Variants in CACNA1G observed in about 807,000 individuals in gnomAD.
The protein encoded by CACNA1G is voltage-dependent T-type calcium channel subunit alpha-1G.
A neutral mutation model predicts 219.4 loss-of-function variants in CACNA1G; 67 were observed. The observed-to-expected ratio is 0.31, with a 90% CI of 0.25 to 0.37. The LOEUF (loss-of-function observed/expected upper bound fraction) is 0.37. Ranked by LOEUF, CACNA1G falls within the 10% of genes least tolerant of loss-of-function variation. The pLI, the probability that CACNA1G is intolerant of heterozygous loss-of-function variation, is 1.00. For synonymous variants in CACNA1G, 1,296 were observed against 1,345.3 expected, an observed-to-expected ratio of 0.96 and a Z score of 0.80; for missense variants, 2,380 against 3,231.4, an observed-to-expected ratio of 0.74 and a Z score of 6.39.
intron 16 of CACNA1G, among the ~76,000 whole-genome samples, chr17:50,598,989 A>T (rs1326491925): frequency 2.0e-5 from 3 of 152,116 alleles, no homozygotes; most frequent in South Asian, 2.1e-4. Context: ...CGGCCTCCCA[A>T]TGTGCTGGGA....
At chr17:50,589,908 C>CTT (rs2043876777) in intron 9 of CACNA1G, among the ~76,000 whole-genome samples, 1 of 148,100 alleles carries the variant, frequency 6.8e-6, no homozygotes, top group African/African-American at 2.6e-5. Context: ...CTCTCTCTCT[C>CTT]TCTCTGTGTG....
chr17:50,562,681 C>T (rs2036210122), intron 1 of CACNA1G, among the ~76,000 whole-genome samples: 2 of 152,114 alleles, frequency 1.3e-5, no homozygotes, highest in African/African-American at 4.8e-5. Context: ...ACTGCAGGCC[C>T]GCGAAAGTCT....
chr17:50,624,486 C>G lies in CACNA1G; in HGVS notation c.6356C>G (p.Pro2119Arg). 6.2e-7 allele frequency: 1 copy of G among 1,600,298 alleles called. No individual in the cohort carries two copies. Among genetic ancestry groups the G allele is most frequent in the Non-Finnish European group, 8.5e-7 (1 of 1,173,916 alleles). Residue 2119 changes from proline (P) to arginine (R), a missense_variant, in exon 37 of 38, where the codon CCA (proline) becomes CGA (arginine). Physicochemically the swap from Pro to Arg is moderately radical, Grantham distance 103. Around this residue, in one of 17 missense-constraint regions of CACNA1G, gnomAD observed 672 missense variants for 670.5 expected, o/e 1.00. Coordinates refer to ENST00000359106, the MANE Select transcript of CACNA1G (RefSeq NM_018896.5). ...PTWGTIPKLP[P>R]PGRSPLAQRP... Reference sequence around the variant, plus strand: ...TGGGGCACCATCCCCAAACTGCCCCCACCAGGACGCTCCCCTTTGGCTCAG... The same window carrying G: ...TGGGGCACCATCCCCAAACTGCCCCGACCAGGACGCTCCCCTTTGGCTCAG...
intron 9 of CACNA1G, among the ~76,000 whole-genome samples, chr17:50,587,961 C>T (rs734576): frequency 0.45 from 68,772 of 151,980 alleles, 16,567 homozygotes; most frequent in East Asian, 0.89. Context: ...CAGTCTCCTT[C>T]TCCACGCACA....
At chr17:50,599,962 G>A (rs889566899) in intron 17 of CACNA1G, 103 bp downstream of exon 17, 84 of 1,120,418 alleles carry the variant, frequency 7.5e-5, no homozygotes, top group Admixed American at 2.1e-4. Flanking sequence ...CCAAGCCCAC[G>A]GAATATCAAG....
At chr17:50,586,383 C>T (rs898974561) in intron 9 of CACNA1G, among the ~76,000 whole-genome samples, 1 of 152,180 alleles carries the variant, frequency 6.6e-6, no homozygotes, top group Non-Finnish European at 1.5e-5. Context: ...CAACTTGATT[C>T]TTGGTTCTGC....
At chr17:50,622,222 G>C (rs1367225811) in intron 35 of CACNA1G, among the ~76,000 whole-genome samples, 2 of 128,232 alleles carry the variant, frequency 1.6e-5, no homozygotes, top group African/African-American at 2.9e-5. Context: ...CACACCACGT[G>C]GTGGGTGAGA....
At chr17:50,589,311 C>T (rs1228083087) in intron 9 of CACNA1G, among the ~76,000 whole-genome samples, 3 of 152,150 alleles carry the variant, frequency 2.0e-5, no homozygotes, top group African/African-American at 7.2e-5. Context: ...CATTCAAGTG[C>T]TGCCTCTCTC....
At chr17:50,614,527 C>T (rs2050005191) in intron 26 of CACNA1G, among the ~76,000 whole-genome samples, 2 of 152,282 alleles carry the variant, frequency 1.3e-5, no homozygotes, top group South Asian at 2.1e-4. Flanking sequence ...ATTCTGCCTC[C>T]TTGGCAGCCC....
At chr17:50,579,994 C>T (rs2041587482) in intron 9 of CACNA1G, among the ~76,000 whole-genome samples, 1 of 152,180 alleles carries the variant, frequency 6.6e-6, no homozygotes, top group African/African-American at 2.4e-5. Context: ...GAGCACCCAG[C>T]TTTTACCCAA....
chr17:50,568,951 C>T lies in CACNA1G; in HGVS notation c.324C>T (p.Ala108=). Residue 108 remains alanine (A), a synonymous_variant, in exon 2 of 38, where the codon GCC becomes GCT. Transcript: ENST00000359106. ...TGTTCCGGCCATGCGAGGACATCGC[C>T]TGTGACTCCCAGCGCTGCCGGATCC... ...LGMFRPCEDI[A]CDSQRCRILQ... is the part of the protein sequence containing the mutation. The T allele has an allele frequency of 6.2e-7, 1 of 1,612,148 alleles. No homozygotes were observed. Among genetic ancestry groups the T allele is most frequent in the Non-Finnish European group, 8.5e-7 (1 of 1,179,780 alleles).
intron 7 of CACNA1G, 102 bp from the exon 8 acceptor site, chr17:50,575,439 CTG>C: frequency 1.7e-6 from 2 of 1,154,038 alleles, no homozygotes; most frequent in South Asian, 3.3e-5. Context: ...TGGAAAATAA[CTG>C]AGCGTGGCGC....
intron 9 of CACNA1G, among the ~76,000 whole-genome samples, chr17:50,589,912 C>CTGTGTGTGTGTGTG (rs58484176): frequency 7.1e-6 from 1 of 141,834 alleles, no homozygotes; most frequent in Non-Finnish European, 1.5e-5. Flanking sequence ...CTCTCTCTCT[C>CTGTGTGTGTGTGTG]TGTGTGTGTG....
chr17:50,590,593 C>T lies in CACNA1G; in HGVS notation c.2424C>T (p.Asn808=). 1 of 1,613,964 alleles carries T rather than the reference C, an allele frequency of 6.2e-7. No individual in the cohort carries two copies. The highest frequency in any genetic ancestry group is 1.7e-4 in the Middle Eastern group (1 of 6,060). ...TTGGCTACATCAAGAATCCCTACAA[C>T]ATCTTCGATGGTGTCATTGTGGTCA... ...GPFGYIKNPY[N]IFDGVIVVIS... is the part of the protein sequence containing the mutation. The change falls in exon 10 of 38, where the codon AAC becomes AAT. Residue 808 remains asparagine (N), a synonymous_variant. Coordinates refer to ENST00000359106, the MANE Select transcript of CACNA1G (RefSeq NM_018896.5).
intron 35 of CACNA1G, 122 bp from the exon 36 acceptor site, chr17:50,623,784 TG>T (rs2052873150): frequency 2.0e-6 from 2 of 1,004,174 alleles, no homozygotes; most frequent in East Asian, 5.3e-5. Context: ...TACCTTGTCC[TG>T]GGAGGGCACG....
Position 50,591,447 on chromosome 17 carries a change from C to A in CACNA1G, c.2466C>A (p.Ile822=). ...GCCCCCTTTGCAGCGTGTGGGAGAT[C>A]GTGGGCCAGCAGGGGGGCGGCCTGT... is the stretch of plus-strand genomic sequence containing the variant. ...GVIVVISVWE[I]VGQQGGGLSV... is the part of the protein sequence containing the mutation. The change falls in exon 11 of 38, where the codon ATC becomes ATA. Residue 822 remains isoleucine (I), a synonymous_variant. Coordinates refer to ENST00000359106, the MANE Select transcript of CACNA1G (RefSeq NM_018896.5). 6.3e-7 allele frequency: 1 copy of A among 1,577,472 alleles called. No homozygotes were observed. Among genetic ancestry groups the A allele is most frequent in the Non-Finnish European group, 8.6e-7 (1 of 1,163,754 alleles).
Position 50,624,387 on chromosome 17 carries a change from C to T in CACNA1G, c.6257C>T (p.Pro2086Leu). The change falls in exon 37 of 38, where the codon CCA becomes CTA. Residue 2086 changes from proline (P) to leucine (L), a missense_variant. Transcript: ENST00000359106. Reference sequence around the variant, plus strand: ...TCCGTCTTGTCCGTTCACTCCCAGCCAGCAGATACCAGCTACATCCTGCAG... The same window carrying T: ...TCCGTCTTGTCCGTTCACTCCCAGCTAGCAGATACCAGCTACATCCTGCAG... ...SGSVLSVHSQPADTSYILQLP... is the reference protein window; with the variant it reads ...SGSVLSVHSQLADTSYILQLP... The T allele has an allele frequency of 1.3e-6, 2 of 1,595,342 alleles. No individual in the cohort carries two copies. Among genetic ancestry groups the T allele is most frequent in the Non-Finnish European group, 1.7e-6 (2 of 1,171,590 alleles).
At chr17:50,593,709 G>A (rs2044870053) in intron 13 of CACNA1G, among the ~76,000 whole-genome samples, 1 of 152,234 alleles carries the variant, frequency 6.6e-6, no homozygotes, top group Non-Finnish European at 1.5e-5. Flanking sequence ...GACCTTTGCA[G>A]GGAGGGTCTC....
intron 25 of CACNA1G, 114 bp downstream of exon 25, chr17:50,608,133 A>G: frequency 1.1e-6 from 1 of 900,732 alleles, no homozygotes; most frequent in Non-Finnish European, 1.7e-6. Context: ...CAGGGAGAAG[A>G]GGCTCCCACC....
Sources: gnomAD v4.1 joint callset for allele counts (sites outside exome capture counted in the v4.1 genomes callset) on GRCh38, gnomAD v4.1.1 for gene constraint, gnomAD v4.1.1 regional missense constraint, MANE v1.5 for transcripts, NCBI Gene and HGNC (gene_info 2026-07-23, HGNC 2026-07-21) for gene names.